Variants in CHCHD6 observed in about 807,000 individuals in gnomAD.
CHCHD6 encodes MICOS complex subunit MIC25.
A neutral mutation model predicts 32.3 loss-of-function variants in CHCHD6; 28 were observed. The ratio of observed to expected loss-of-function variants is 0.87; its 90% confidence interval spans 0.64 to 1.19. CHCHD6 has a LOEUF of 1.19. Ranked by LOEUF, CHCHD6 falls within the 50% of genes most tolerant of loss-of-function variation. The pLI is 0.00. For synonymous variants in CHCHD6, 122 were observed against 117.5 expected (o/e 1.04, Z -0.25); for missense variants, 333 against 307.0 (o/e 1.08, Z -0.63).
intron 5 of CHCHD6, among the ~76,000 whole-genome samples, chr3:126,861,516 C>T (rs947346852): frequency 4.0e-5 from 6 of 151,864 alleles, no homozygotes; most frequent in South Asian, 2.1e-4. Flanking sequence ...CCACTGCCAC[C>T]GCCACCACTA....
chr3:126,813,284 G>A (rs1939740438), intron 4 of CHCHD6, among the ~76,000 whole-genome samples: 1 of 152,120 alleles, frequency 6.6e-6, no homozygotes, highest in African/African-American at 2.4e-5. Context: ...GAACGTATCA[G>A]GTTGTTATTT....
At chr3:126,731,592 C>G (rs1935806451) in intron 3 of CHCHD6, among the ~76,000 whole-genome samples, 1 of 152,162 alleles carries the variant, frequency 6.6e-6, no homozygotes. Context: ...TACTGATTGA[C>G]CTCTTCAGCA....
At chr3:126,717,065 G>A (rs1935053442) in intron 1 of CHCHD6, among the ~76,000 whole-genome samples, 1 of 152,218 alleles carries the variant, frequency 6.6e-6, no homozygotes, top group Non-Finnish European at 1.5e-5. Flanking sequence ...CAGCACAGCA[G>A]TTAAGCACGC....
At chr3:126,902,695 C>T (rs1412932238) in intron 5 of CHCHD6, among the ~76,000 whole-genome samples, 61 of 142,848 alleles carry the variant, frequency 4.3e-4, no homozygotes, top group Admixed American at 4.4e-4. Flanking sequence ...CCAGCCTGGG[C>T]GACAGAGCAA....
At chr3:126,762,990 C>A (rs2107673129) in intron 4 of CHCHD6, among the ~76,000 whole-genome samples, 1 of 152,192 alleles carries the variant, frequency 6.6e-6, no homozygotes, top group African/African-American at 2.4e-5. Flanking sequence ...CCAATCTCTG[C>A]CTTTTGATTG....
At chr3:126,730,719 C>T in intron 3 of CHCHD6, 89 bp downstream of exon 3, 2 of 1,094,834 alleles carry the variant, frequency 1.8e-6, no homozygotes, top group East Asian at 4.8e-5. Context: ...GCCTGAAGCC[C>T]TGGAGGCTTT....
intron 4 of CHCHD6, among the ~76,000 whole-genome samples, chr3:126,852,121 AGCATGAGGCTGTGGCATG>A (rs1333765489): frequency 6.6e-6 from 1 of 152,186 alleles, no homozygotes; most frequent in Non-Finnish European, 1.5e-5. Flanking sequence ...TCCAGCTCAG[AGCATGAGGCTGTGGCATG>A]GTGTGGTTCC....
intron 1 of CHCHD6, among the ~76,000 whole-genome samples, chr3:126,723,387 G>A (rs1002965387): frequency 1.3e-5 from 2 of 152,106 alleles, no homozygotes; most frequent in Admixed American, 1.3e-4. Context: ...AAGCAGTTTT[G>A]TAGATTTCTC....
In CHCHD6 at chr3:126,872,883, G is replaced by A. The variant is rs116164141; in HGVS notation, c.495+20153G>A. ...CTGCTGATTTCCCTCGTTTCTCACC[G>A]CAATTCTCCTCTGTTGTGGCCTAAG... On this transcript the variant is annotated intron_variant, in intron 5 of 7. Transcript: ENST00000290913. Among the ~76,000 whole-genome samples, 929 of 152,306 alleles carry A rather than the reference G, an allele frequency of 6.1e-3. 9 individuals are homozygous for A. The highest frequency in any genetic ancestry group is 0.021 in the African/African-American group (887 of 41,556).
intron 5 of CHCHD6, among the ~76,000 whole-genome samples, chr3:126,889,746 G>A (rs1008813788): frequency 1.3e-5 from 2 of 152,102 alleles, no homozygotes; most frequent in Non-Finnish European, 2.9e-5. Flanking sequence ...CCAGAGTCTC[G>A]AGAGCTGGAG....
chr3:126,848,026 C>G (rs1392161884), intron 4 of CHCHD6, among the ~76,000 whole-genome samples: 1 of 152,174 alleles, frequency 6.6e-6, no homozygotes, highest in Non-Finnish European at 1.5e-5. Context: ...CTTCTCCAGG[C>G]TGGAGTGCAG....
chr3:126,911,199 A>T (rs2078085604), intron 5 of CHCHD6, among the ~76,000 whole-genome samples: 1 of 152,058 alleles, frequency 6.6e-6, no homozygotes, highest in Non-Finnish European at 1.5e-5. Context: ...TGTAATTATG[A>T]TGCCACCATC....
intron 6 of CHCHD6, among the ~76,000 whole-genome samples, chr3:126,956,407 C>G (rs2078783691): frequency 6.6e-6 from 1 of 152,230 alleles, no homozygotes; most frequent in South Asian, 2.1e-4. Flanking sequence ...ATATGTCCCG[C>G]TCCTCCACTG....
chr3:126,766,787 C>T (rs1937386073), intron 4 of CHCHD6: 4 of 1,071,668 alleles, frequency 3.7e-6, no homozygotes, highest in African/African-American at 3.1e-5. Flanking sequence ...AAAAACAGAC[C>T]ACCCACTTCA....
At chr3:126,820,687 G>A (rs989015210) in intron 4 of CHCHD6, among the ~76,000 whole-genome samples, 7 of 152,192 alleles carry the variant, frequency 4.6e-5, no homozygotes. Flanking sequence ...AGACTCAGAA[G>A]TACAATTGCT....
At chr3:126,754,975 A>T (rs1936895127) in intron 4 of CHCHD6, among the ~76,000 whole-genome samples, 1 of 152,158 alleles carries the variant, frequency 6.6e-6, no homozygotes, top group Admixed American at 6.5e-5. Flanking sequence ...GGGGGCAATG[A>T]GTTGTCATAT....
chr3:126,812,443 T>C (rs935847219), intron 4 of CHCHD6, among the ~76,000 whole-genome samples: 3 of 151,238 alleles, frequency 2.0e-5, no homozygotes, highest in African/African-American at 7.3e-5. Flanking sequence ...ATCTCAGTTC[T>C]TTTTTTTTCC....
intron 4 of CHCHD6, among the ~76,000 whole-genome samples, chr3:126,790,807 CCTT>C (rs912077324): frequency 1.8e-4 from 28 of 152,306 alleles, no homozygotes; most frequent in African/African-American, 6.3e-4. Flanking sequence ...TTGTCTGAAG[CCTT>C]CTTCTCTCAA....
intron 5 of CHCHD6, among the ~76,000 whole-genome samples, chr3:126,853,511 A>T (rs1329394215): frequency 6.6e-6 from 1 of 152,080 alleles, no homozygotes; most frequent in Non-Finnish European, 1.5e-5. Flanking sequence ...TGAAATTGAC[A>T]GTTTGCTTGA....
Sources: gnomAD v4.1 joint callset for allele counts (sites outside exome capture counted in the v4.1 genomes callset) on GRCh38, gnomAD v4.1.1 for gene constraint, MANE v1.5 for transcripts, NCBI Gene and HGNC (gene_info 2026-07-23, HGNC 2026-07-21) for gene names.